The following TNKS2 variants were observed in gnomAD, a reference collection of about 807,000 sequenced individuals.
TNKS2 encodes poly [ADP-ribose] polymerase tankyrase-2.
TNKS2 carries 72 observed loss-of-function variants against 137.6 expected under a neutral mutation model. The observed-to-expected ratio is 0.52, with a 90% confidence interval of 0.43 to 0.64. The LOEUF (loss-of-function observed/expected upper bound fraction) is 0.64. Ranked by LOEUF, TNKS2 falls within the 30% of genes least tolerant of loss-of-function variation. TNKS2 has a pLI of 0.00. For synonymous variants in TNKS2, 516 were observed against 512.1 expected, an observed-to-expected ratio of 1.01 and a Z score of -0.10; for missense variants, 1,049 against 1,410.2, an observed-to-expected ratio of 0.74 and a Z score of 4.10.
At chr10:91,834,987 A>G (rs996564543) in intron 12 of TNKS2, among the ~76,000 whole-genome samples, 1 of 152,244 alleles carries the variant, frequency 6.6e-6, no homozygotes, top group African/African-American at 2.4e-5. Context: ...TTGTCAAATT[A>G]TCTTCTGTTA....
At chr10:91,839,539 G>A (rs534858464) in intron 13 of TNKS2, among the ~76,000 whole-genome samples, 101 of 151,802 alleles carry the variant, frequency 6.7e-4, no homozygotes, top group African/African-American at 2.3e-3. Flanking sequence ...TGATCTGCCC[G>A]CCTCAGCCTC....
chr10:91,820,178 C>A, intron 6 of TNKS2, 145 bp downstream of exon 6: 1 of 457,220 alleles, frequency 2.2e-6, no homozygotes, highest in Non-Finnish European at 3.7e-6. Context: ...TCTGAGGGCG[C>A]AGGAAATTAT....
chr10:91,799,669 G>A (rs940993657), intron 1 of TNKS2, among the ~76,000 whole-genome samples: 12 of 152,188 alleles, frequency 7.9e-5, no homozygotes, highest in African/African-American at 2.7e-4. Flanking sequence ...TATGATTTAA[G>A]CATATTAAAT....
At chr10:91,852,504 G>A (rs1344833533) in intron 21 of TNKS2, among the ~76,000 whole-genome samples, 1 of 152,222 alleles carries the variant, frequency 6.6e-6, no homozygotes, top group Non-Finnish European at 1.5e-5. Flanking sequence ...AACTTGCAGT[G>A]AGTTGAGATC....
chr10:91,850,226 A>G (rs1431637436), intron 20 of TNKS2, among the ~76,000 whole-genome samples: 1 of 151,344 alleles, frequency 6.6e-6, no homozygotes, highest in Admixed American at 6.6e-5. Context: ...GAAATTAGCC[A>G]GGCATGGTGG....
intron 26 of TNKS2, among the ~76,000 whole-genome samples, chr10:91,862,728 T>C (rs184934772): frequency 1.4e-4 from 22 of 152,306 alleles, no homozygotes; most frequent in African/African-American, 4.3e-4. Context: ...CTGATACTTA[T>C]GAACTTAGTA....
chr10:91,846,884 G>A (rs1316401955), intron 18 of TNKS2, among the ~76,000 whole-genome samples: 1 of 152,200 alleles, frequency 6.6e-6, no homozygotes, highest in African/African-American at 2.4e-5. Context: ...AAGTTACAAT[G>A]AAGCAAAATG....
intron 20 of TNKS2, among the ~76,000 whole-genome samples, chr10:91,850,476 T>G (rs928096557): frequency 1.3e-5 from 2 of 151,744 alleles, no homozygotes; most frequent in Non-Finnish European, 1.5e-5. Context: ...CCCAGCACTT[T>G]GGGAGGCTGA....
rs774567172 is a variant in TNKS2 at position 91,827,118 on chromosome 10, T to C, written c.897T>C (p.Tyr299=). Residue 299 remains tyrosine (Y), a synonymous_variant, in exon 8 of 27, where the codon TAT becomes TAC. Coordinates refer to ENST00000371627, the MANE Select transcript of TNKS2 (RefSeq NM_025235.4). ...AAGTATGTTCTCTTCTCTTAAGTTA[T>C]GGTGCAGACCCAACACTGCTCAATT... ...RVEVCSLLLS[Y]GADPTLLNCH... 19 of 1,612,466 alleles carry C rather than the reference T, an allele frequency of 1.2e-5. No homozygotes were observed. The highest frequency in any genetic ancestry group is 4.5e-5 in the East Asian group (2 of 44,830).
At position 91,864,781 on chromosome 10, in the gene TNKS2, T is replaced by A. The variant is rs973626250; in HGVS notation, c.*1782T>A. Reference sequence around the variant, plus strand: ...TTTTATATGAATTTTTCAGATTATCTAAGCTTCCAGGTTTTATAATTAGAA... The same window carrying A: ...TTTTATATGAATTTTTCAGATTATCAAAGCTTCCAGGTTTTATAATTAGAA... On this transcript the variant is annotated 3_prime_UTR_variant, in exon 27 of 27. Transcript: ENST00000371627. 1 of 152,626 alleles carries A rather than the reference T, an allele frequency of 6.6e-6. No individual in the cohort carries two copies. The highest frequency in any genetic ancestry group is 1.9e-4 in the East Asian group (1 of 5,200). 9.5% of individuals were successfully genotyped at this position (152,626 alleles called of 1,614,324 possible).
rs777452772 is a variant in TNKS2 at position 91,836,034 on chromosome 10, A to ATTTT, written c.1448-863_1448-860dup. On this transcript the variant is annotated intron_variant, in intron 12 of 26. Coordinates refer to ENST00000371627, the MANE Select transcript of TNKS2 (RefSeq NM_025235.4). ...GTGTGTGTGTGTGTGTGTGTGTGTA[A>ATTTT]TTTTTTTTTTTTTTTTTTTTTTTTT... Among the ~76,000 whole-genome samples the ATTTT allele has an allele frequency of 1.5e-3, 78 of 53,520 alleles. 7 individuals are homozygous for ATTTT. The highest frequency in any genetic ancestry group is 5.7e-3 in the African/African-American group (74 of 12,888). The allele number at this position is 53,520 out of a possible 152,430, so 35.1% of individuals were successfully genotyped here. A position where few individuals can be genotyped will look rare whatever the true frequency, so the allele number is the denominator to read the frequency against.
chr10:91,800,736 A>T (rs1589635954), intron 1 of TNKS2, among the ~76,000 whole-genome samples: 3 of 152,322 alleles, frequency 2.0e-5, no homozygotes, highest in Admixed American at 2.0e-4. Flanking sequence ...ATTCAACCAG[A>T]GCTTTTGAAG....
intron 13 of TNKS2, among the ~76,000 whole-genome samples, chr10:91,839,135 G>C (rs1842129087): frequency 6.6e-6 from 1 of 151,908 alleles, no homozygotes; most frequent in Admixed American, 6.5e-5. Context: ...CAACGTGCTG[G>C]GATTACAGGC....
intron 3 of TNKS2, among the ~76,000 whole-genome samples, chr10:91,818,319 GAAAT>G (rs1401295440): frequency 3.9e-5 from 6 of 151,992 alleles, no homozygotes; most frequent in East Asian, 1.9e-4. Flanking sequence ...ATAAAGAAAA[GAAAT>G]AAAAGAGTTC....
At chr10:91,822,149 T>G in intron 6 of TNKS2, 147 bp from the exon 7 acceptor site, 1 of 588,442 alleles carries the variant, frequency 1.7e-6, no homozygotes, top group South Asian at 2.9e-5. Flanking sequence ...CAAATGGATG[T>G]TACTAAATTT....
At chr10:91,799,174 C>G (rs368395155) in intron 1 of TNKS2, among the ~76,000 whole-genome samples, 1 of 152,050 alleles carries the variant, frequency 6.6e-6, no homozygotes, top group East Asian at 1.9e-4. Flanking sequence ...AATACCTGTA[C>G]CAACTTCCGG....
At chr10:91,849,815 A>G (rs1268233497) in intron 20 of TNKS2, among the ~76,000 whole-genome samples, 1 of 152,188 alleles carries the variant, frequency 6.6e-6, no homozygotes, top group East Asian at 1.9e-4. Context: ...GCTTTCTTGA[A>G]TGGAAAGTTT....
intron 1 of TNKS2, 72 bp downstream of exon 1, chr10:91,798,961 C>T: frequency 1.6e-6 from 2 of 1,284,916 alleles, no homozygotes; most frequent in South Asian, 2.6e-5. Flanking sequence ...AGGTCTGAAA[C>T]CAGTGCTCCT....
At chr10:91,820,104 G>C (rs1445456766) in intron 6 of TNKS2, 71 bp downstream of exon 6, 1 of 1,028,420 alleles carries the variant, frequency 9.7e-7, no homozygotes, top group Non-Finnish European at 1.4e-6. Context: ...TGTAACCTTA[G>C]AAAAATAATA....
Sources: allele counts gnomAD v4.1 joint callset (sites outside exome capture counted in the v4.1 genomes callset), GRCh38; gene constraint gnomAD v4.1.1; transcripts MANE v1.5; gene names NCBI Gene and HGNC (gene_info 2026-07-23, HGNC 2026-07-21).